The following ADGRE3 variants were observed in gnomAD, a reference collection of about 807,000 sequenced individuals.
ADGRE3 encodes the protein EGF-like module receptor 3.
A neutral mutation model predicts 80.1 loss-of-function variants in ADGRE3; 88 were observed. The observed-to-expected ratio is 1.10, with a 90% CI of 0.93 to 1.31. The LOEUF (loss-of-function observed/expected upper bound fraction) is 1.31. ADGRE3 is among the 40% of genes most tolerant of loss of function. The pLI, the probability that ADGRE3 is intolerant of heterozygous loss-of-function variation, is 0.00. For synonymous variants in ADGRE3, 281 were observed against 294.8 expected (o/e 0.95, Z 0.48); for missense variants, 715 against 776.5 (o/e 0.92, Z 0.94).
At chr19:14,649,058 C>T (rs1290537160) in intron 7 of ADGRE3, among the ~76,000 whole-genome samples, 3 of 149,690 alleles carry the variant, frequency 2.0e-5, no homozygotes, top group African/African-American at 7.4e-5. Flanking sequence ...CCCCATCTCT[C>T]TAATTCCATC....
intron 13 of ADGRE3, among the ~76,000 whole-genome samples, chr19:14,632,653 A>C (rs1404484539): frequency 1.3e-5 from 2 of 152,114 alleles, no homozygotes; most frequent in African/African-American, 4.8e-5. Flanking sequence ...GAGCTTCTTT[A>C]TTAGCCCTGA....
chr19:14,638,285 G>A lies in ADGRE3; in HGVS notation c.1304C>T (p.Thr435Ile), dbSNP rs764409272. The change falls in exon 11 of 16, where the codon ACC becomes ATC. Residue 435 changes from threonine to isoleucine, a missense_variant. Physicochemically the swap from Thr to Ile is moderately conservative, Grantham distance 89 (BLOSUM62 -1). Coordinates refer to ENST00000253673, the MANE Select transcript of ADGRE3 (RefSeq NM_032571.5). ...ALHYLYLAAF[T>I]WMLLEGVHLF... is the part of the protein sequence containing the mutation. ...GTGCACACCCTCCAGCAGCATCCAG[G>A]TGAAGGCGGCCAGGTAGAGATAGTG... 6.8e-6 allele frequency: 11 copies of A among 1,614,154 alleles called. No individual in the cohort carries two copies. Among genetic ancestry groups the A allele is most frequent in the East Asian group, 2.2e-5 (1 of 44,882 alleles).
At chr19:14,625,649 C>T (rs1970719522) in intron 14 of ADGRE3, 50 bp from the exon 15 acceptor site, 1 of 1,154,988 alleles carries the variant, frequency 8.7e-7, no homozygotes, top group African/African-American at 1.5e-5. Flanking sequence ...CATTGGTGAA[C>T]AGCAGAAAGG....
chr19:14,644,317 CT>C (rs757960231), intron 8 of ADGRE3, 42 bp from the exon 9 acceptor site: 1 of 1,327,348 alleles, frequency 7.5e-7, no homozygotes, highest in East Asian at 2.8e-5. Flanking sequence ...CTTTGTCTTT[CT>C]TTCTTTCTTT....
At chr19:14,670,024 T>C (rs990363377) in intron 1 of ADGRE3, among the ~76,000 whole-genome samples, 2 of 152,200 alleles carry the variant, frequency 1.3e-5, no homozygotes. Flanking sequence ...ATTATGCATG[T>C]AATATCCATA....
chr19:14,636,168 T>TTCC lies in ADGRE3; in HGVS notation c.1484+1936_1484+1937insGGA, dbSNP rs1491114246. On this transcript the variant is annotated intron_variant, in intron 11 of 15. Coordinates refer to ENST00000253673, the MANE Select transcript of ADGRE3 (RefSeq NM_032571.5). ...TTTCTTTCTTCCTTTCCTCCTTTCC[T>TTCC]TTCCTTTCCTTCCTCTTTCTTTCTT... 7.7e-3 allele frequency among the ~76,000 whole-genome samples: 464 copies of TTCC among 60,454 alleles called. 111 individuals carry two copies. The highest frequency in any genetic ancestry group is 0.058 in the Middle Eastern group (9 of 154). 39.7% of individuals were successfully genotyped at this position (60,454 alleles called of 152,430 possible). A position where few individuals can be genotyped will look rare whatever the true frequency, so the allele number is the denominator to read the frequency against.
At chr19:14,662,759 C>T (rs577382653) in intron 3 of ADGRE3, among the ~76,000 whole-genome samples, 3 of 151,774 alleles carry the variant, frequency 2.0e-5, no homozygotes, top group Non-Finnish European at 4.4e-5. Context: ...TTTGCTCCTG[C>T]TTCTGGATAA....
chr19:14,650,792 A>G (rs1045213665), intron 7 of ADGRE3, among the ~76,000 whole-genome samples: 1 of 151,974 alleles, frequency 6.6e-6, no homozygotes, highest in African/African-American at 2.4e-5. Context: ...TCACCTCCCA[A>G]AGAAACTTCT....
chr19:14,651,762 C>T (rs1971613848), intron 6 of ADGRE3, among the ~76,000 whole-genome samples: 1 of 152,120 alleles, frequency 6.6e-6, no homozygotes, highest in Non-Finnish European at 1.5e-5. Context: ...ATGATATGGG[C>T]TGGGCACAGT....
chr19:14,661,663 T>C (rs1971946540), intron 4 of ADGRE3, among the ~76,000 whole-genome samples: 1 of 152,162 alleles, frequency 6.6e-6, no homozygotes, highest in Non-Finnish European at 1.5e-5. Context: ...TCTTTTCTGA[T>C]GTTAGATTCA....
chr19:14,636,201 T>G (rs1434380215), intron 11 of ADGRE3, among the ~76,000 whole-genome samples: 3 of 62,310 alleles, frequency 4.8e-5, no homozygotes, highest in Non-Finnish European at 1.1e-4. Context: ...CTTTCTTTCT[T>G]TCTTTTCTTT....
chr19:14,652,156 T>A (rs1447310279), intron 6 of ADGRE3, among the ~76,000 whole-genome samples: 1 of 151,952 alleles, frequency 6.6e-6, no homozygotes, highest in Admixed American at 6.6e-5. Flanking sequence ...GAAAAACTCA[T>A]GAGAAAAAAG....
rs942465989 is a variant in ADGRE3 at position 14,647,322 on chromosome 19, G to A, written c.741C>T (p.Asn247=). The A allele has an allele frequency of 1.9e-6, 3 of 1,611,664 alleles. No homozygotes were observed. The highest frequency in any genetic ancestry group is 1.7e-6 in the Non-Finnish European group (2 of 1,178,144). Residue 247 remains asparagine, a synonymous_variant, in exon 8 of 16, where the codon AAC becomes AAT. Coordinates refer to ENST00000253673, the MANE Select transcript of ADGRE3 (RefSeq NM_032571.5). ...IAFISYSSLG[N]IINATFFEEM... is the part of the protein sequence containing the mutation. ...CTTCAAAAAAAGTTGCATTTATGAT[G>A]TTTCCAAGAGAAGAATATGAGATAA... is the stretch of plus-strand genomic sequence containing the variant.
intron 14 of ADGRE3, among the ~76,000 whole-genome samples, chr19:14,629,312 T>G (rs1364231113): frequency 6.6e-6 from 1 of 152,132 alleles, no homozygotes; most frequent in Non-Finnish European, 1.5e-5. Context: ...AAATAGTAGT[T>G]GGAAAAAAAA....
the ADGRE3 span, among the ~76,000 whole-genome samples, chr19:14,609,693 C>T: frequency 6.6e-6 from 1 of 151,936 alleles, no homozygotes; most frequent in Admixed American, 6.6e-5. Flanking sequence ...TAAAAACTAG[C>T]CGGGTGTGGT....
downstream of ADGRE3, among the ~76,000 whole-genome samples, chr19:14,616,853 G>A (rs545991627): frequency 3.6e-4 from 54 of 149,912 alleles, no homozygotes; most frequent in African/African-American, 1.2e-3. Context: ...GGAGTGCAGT[G>A]GCGCAATCTC....
At chr19:14,621,245 G>A (rs537023848) in intron 15 of ADGRE3, among the ~76,000 whole-genome samples, 1 of 152,120 alleles carries the variant, frequency 6.6e-6, no homozygotes, top group South Asian at 2.1e-4. Flanking sequence ...TTGAGATCAG[G>A]AGTTCGAGAC....
chr19:14,605,160 C>T, the ADGRE3 span, among the ~76,000 whole-genome samples: 4 of 151,598 alleles, frequency 2.6e-5, no homozygotes, highest in South Asian at 2.1e-4. Flanking sequence ...TGCACTGTCG[C>T]GATCTCAGCT....
the ADGRE3 span, among the ~76,000 whole-genome samples, chr19:14,612,581 C>T: frequency 3.5e-3 from 535 of 152,232 alleles, 1 homozygote; most frequent in Non-Finnish European, 3.7e-3. Flanking sequence ...GCAATCTGCC[C>T]ACCTTGGTCC....
Sources: allele counts gnomAD v4.1 joint callset (sites outside exome capture counted in the v4.1 genomes callset), GRCh38; gene constraint gnomAD v4.1.1; transcripts MANE v1.5; gene names NCBI Gene and HGNC (gene_info 2026-07-23, HGNC 2026-07-21).